The following TMPRSS11E variants were observed in gnomAD, a reference collection of about 807,000 sequenced individuals.
TMPRSS11E encodes the protein transmembrane protease serine 11E.
A neutral mutation model predicts 48.1 loss-of-function variants in TMPRSS11E; 38 were observed. That is an observed-to-expected ratio of 0.79 (90% confidence interval 0.61 to 1.04). The LOEUF is 1.04. Ranked by LOEUF, TMPRSS11E falls within the 50% of genes least tolerant of loss-of-function variation. The pLI, the probability that TMPRSS11E is intolerant of heterozygous loss-of-function variation, is 0.00. For synonymous variants in TMPRSS11E, 158 were observed against 171.9 expected, an observed-to-expected ratio of 0.92 and a Z score of 0.63; for missense variants, 530 against 510.8, an observed-to-expected ratio of 1.04 and a Z score of -0.36.
intron 1 of TMPRSS11E, among the ~76,000 whole-genome samples, chr4:68,452,188 T>TGTCAATACA (rs1411993678): frequency 6.6e-6 from 1 of 151,896 alleles, no homozygotes; most frequent in African/African-American, 2.4e-5. Flanking sequence ...TGTATACTGA[T>TGTCAATACA]GTCAATACAG....
chr4:68,450,448 T>G (rs1381081262), intron 1 of TMPRSS11E, among the ~76,000 whole-genome samples: 1 of 151,940 alleles, frequency 6.6e-6, no homozygotes, highest in Non-Finnish European at 1.5e-5. Flanking sequence ...GATTTTAAAA[T>G]ATACTTTTTT....
At chr4:68,474,093 G>A (rs1729145977) in intron 5 of TMPRSS11E, among the ~76,000 whole-genome samples, 1 of 152,142 alleles carries the variant, frequency 6.6e-6, no homozygotes, top group South Asian at 2.1e-4. Context: ...AGCTGGGTTA[G>A]TGTTTGCATA....
At chr4:68,477,309 T>C in intron 7 of TMPRSS11E, 60 bp from the exon 8 acceptor site, 1 of 1,473,740 alleles carries the variant, frequency 6.8e-7, no homozygotes, top group Non-Finnish European at 9.2e-7. Flanking sequence ...TTATTTAATA[T>C]AAATTATTCG....
intron 6 of TMPRSS11E, among the ~76,000 whole-genome samples, chr4:68,475,820 C>G (rs1729196837): frequency 6.6e-6 from 1 of 152,044 alleles, no homozygotes; most frequent in Non-Finnish European, 1.5e-5. Context: ...AGGGCAGCCC[C>G]CTACAACAAA....
chr4:68,490,368 AATTATT>A (rs200025437), intron 9 of TMPRSS11E, among the ~76,000 whole-genome samples: 48,040 of 151,714 alleles, frequency 0.32, 8,774 homozygotes, highest in Middle Eastern at 0.5. Context: ...GAAAAAATTA[AATTATT>A]ATTATTTAAA....
At position 68,497,155 on chromosome 4, in the gene TMPRSS11E, A is replaced by G. The variant is rs185513205; in HGVS notation, c.*351A>G. 4.7e-4 allele frequency: 78 copies of G among 165,522 alleles called. No homozygotes were observed. Among genetic ancestry groups the G allele is most frequent in the South Asian group, 9.9e-4 (5 of 5,052 alleles). The allele number at this position is 165,522 out of a possible 1,614,324, so 10.3% of individuals were successfully genotyped here. A position where few individuals can be genotyped will look rare whatever the true frequency, so the allele number is the denominator to read the frequency against. ...GTAATGCATATATACAATTTGAAGC[A>G]CTCCTTTTCTTCAGTTCCTCAGCTC... On this transcript the variant is annotated 3_prime_UTR_variant, in exon 10 of 10. Transcript: ENST00000305363.
chr4:68,482,778 A>G (rs1729445245), intron 9 of TMPRSS11E, among the ~76,000 whole-genome samples: 1 of 152,010 alleles, frequency 6.6e-6, no homozygotes, highest in South Asian at 2.1e-4. Flanking sequence ...TCTTGGGGAA[A>G]AAAAAAAAGT....
At chr4:68,476,589 G>T in intron 7 of TMPRSS11E, 151 bp downstream of exon 7, 1 of 766,040 alleles carries the variant, frequency 1.3e-6, no homozygotes. Context: ...GTAAACATTA[G>T]TAAGAGGTTT....
chr4:68,490,751 C>CTTTTTTTTTT (rs1158277585), intron 9 of TMPRSS11E, among the ~76,000 whole-genome samples: 3 of 69,328 alleles, frequency 4.3e-5, no homozygotes, highest in African/African-American at 6.0e-5. Context: ...TCAGCATATT[C>CTTTTTTTTTT]TTTTTTTTTT....
At chr4:68,476,108 C>T (rs2603183) in intron 6 of TMPRSS11E, among the ~76,000 whole-genome samples, 153 bp from the exon 7 acceptor site, 143,235 of 152,234 alleles carry the variant, frequency 0.94, 67,930 homozygotes, top group Non-Finnish European at 1. Flanking sequence ...AAATAAAACA[C>T]TACAGTTTAC....
At chr4:68,466,885 C>A in intron 3 of TMPRSS11E, 133 bp downstream of exon 3, 1 of 1,159,228 alleles carries the variant, frequency 8.6e-7, no homozygotes, top group Non-Finnish European at 1.3e-6. Context: ...GGCCCTAACC[C>A]AAGGAATATA....
At chr4:68,457,830 G>T (rs1728676721) in intron 1 of TMPRSS11E, among the ~76,000 whole-genome samples, 1 of 151,780 alleles carries the variant, frequency 6.6e-6, no homozygotes. Context: ...ACTAACACAG[G>T]AACAGAAAAC....
At chr4:68,482,275 C>T (rs556255393) in intron 9 of TMPRSS11E, among the ~76,000 whole-genome samples, 2 of 152,210 alleles carry the variant, frequency 1.3e-5, no homozygotes, top group South Asian at 2.1e-4. Context: ...GAACACCTCC[C>T]ACCAGGTCCT....
At chr4:68,457,511 C>A (rs1728665887) in intron 1 of TMPRSS11E, among the ~76,000 whole-genome samples, 1 of 152,004 alleles carries the variant, frequency 6.6e-6, no homozygotes, top group Non-Finnish European at 1.5e-5. Context: ...GATCTAGAAC[C>A]AGAAATACTA....
intron 9 of TMPRSS11E, among the ~76,000 whole-genome samples, chr4:68,492,783 T>C (rs1729765954): frequency 6.6e-6 from 1 of 152,174 alleles, no homozygotes; most frequent in African/African-American, 2.4e-5. Flanking sequence ...GAACAAGGAC[T>C]CAACAGTCAT....
intron 1 of TMPRSS11E, among the ~76,000 whole-genome samples, chr4:68,451,244 T>C (rs371156010): frequency 6.6e-6 from 1 of 152,020 alleles, no homozygotes; most frequent in African/African-American, 2.4e-5. Context: ...TCAAGTGCGC[T>C]CCTTTGGATC....
In TMPRSS11E at chr4:68,466,667, C is replaced by T; in HGVS notation, c.173C>T (p.Ser58Leu). The T allele has an allele frequency of 6.2e-7, 1 of 1,613,602 alleles. No individual in the cohort carries two copies. Residue 58 changes from serine (S) to leucine (L), a missense_variant, in exon 3 of 10, where the codon TCA (serine) becomes TTA (leucine). Coordinates refer to ENST00000305363, the MANE Select transcript of TMPRSS11E (RefSeq NM_014058.4). ...KKTYNYYSTL[S>L]FTTDKLYAEF... ...ACCTACAATTACTATAGCACATTGT[C>T]ATTTACAACTGACAAACTATATGCT...
At chr4:68,463,908 C>A (rs1372111571) in intron 2 of TMPRSS11E, among the ~76,000 whole-genome samples, 1 of 152,174 alleles carries the variant, frequency 6.6e-6, no homozygotes, top group Non-Finnish European at 1.5e-5. Flanking sequence ...GGGCTAATCA[C>A]CTCAGTGAGA....
chr4:68,494,018 C>T (rs1729802726), intron 9 of TMPRSS11E, among the ~76,000 whole-genome samples: 1 of 152,136 alleles, frequency 6.6e-6, no homozygotes, highest in African/African-American at 2.4e-5. Flanking sequence ...CCTCCTCCAT[C>T]TACTCATTTC....
Sources: allele counts gnomAD v4.1 joint callset (sites outside exome capture counted in the v4.1 genomes callset), GRCh38; gene constraint gnomAD v4.1.1; transcripts MANE v1.5; gene names NCBI Gene and HGNC (gene_info 2026-07-23, HGNC 2026-07-21).